LRRC4C: variants seen among roughly 807,000 people sequenced by gnomAD.
LRRC4C encodes leucine-rich repeat-containing protein 4C.
LRRC4C carries 5 observed loss-of-function variants against 33.6 expected under a neutral mutation model. The ratio of observed to expected loss-of-function variants is 0.15; its 90% CI spans 0.08 to 0.31. The LOEUF (loss-of-function observed/expected upper bound fraction) is 0.31. Among genes scored for constraint, LRRC4C ranks in the 10% least tolerant of loss-of-function variants. The pLI is 1.00. For synonymous variants in LRRC4C, 329 were observed against 302.0 expected, an observed-to-expected ratio of 1.09 and a Z score of -0.93; for missense variants, 560 against 796.7, an observed-to-expected ratio of 0.70 and a Z score of 3.58.
chr11:40,274,179 C>T (rs906238998), intron 4 of LRRC4C, among the ~76,000 whole-genome samples: 46 of 151,678 alleles, frequency 3.0e-4, no homozygotes, highest in African/African-American at 1.1e-3. Context: ...GGCTGCTCCC[C>T]AAAAGCATGA....
chr11:41,056,728 G>A (rs1487035064), intron 1 of LRRC4C, among the ~76,000 whole-genome samples: 1 of 152,172 alleles, frequency 6.6e-6, no homozygotes, highest in Non-Finnish European at 1.5e-5. Context: ...TATCATACCA[G>A]TCAGAGTGGC....
intron 1 of LRRC4C, among the ~76,000 whole-genome samples, chr11:41,157,585 A>C (rs1944290450): frequency 2.0e-5 from 3 of 152,190 alleles, no homozygotes; most frequent in Admixed American, 2.0e-4. Context: ...ATCTTGCATG[A>C]AAGTCCACAT....
chr11:40,968,329 T>C (rs955429327), intron 1 of LRRC4C, among the ~76,000 whole-genome samples: 1 of 152,132 alleles, frequency 6.6e-6, no homozygotes, highest in Non-Finnish European at 1.5e-5. Flanking sequence ...AAGCTATTTC[T>C]GTATCACAAA....
At chr11:41,345,024 T>C (rs1002239080) in intron 1 of LRRC4C, among the ~76,000 whole-genome samples, 1 of 152,178 alleles carries the variant, frequency 6.6e-6, no homozygotes, top group Non-Finnish European at 1.5e-5. Context: ...TAACCCATGA[T>C]GGTTTGTGTA....
At chr11:40,371,208 G>T (rs537634853) in intron 3 of LRRC4C, among the ~76,000 whole-genome samples, 1 of 152,086 alleles carries the variant, frequency 6.6e-6, no homozygotes, top group Non-Finnish European at 1.5e-5. Flanking sequence ...TCATAGACAA[G>T]TATATCTGAA....
intron 1 of LRRC4C, among the ~76,000 whole-genome samples, chr11:41,357,774 A>C (rs150018471): frequency 0.011 from 1,606 of 152,274 alleles, 15 homozygotes; most frequent in South Asian, 0.056. Context: ...TTGGGATAAG[A>C]CTATATTTTT....
intron 6 of LRRC4C, among the ~76,000 whole-genome samples, chr11:40,134,221 A>G (rs957351242): frequency 1.3e-5 from 2 of 152,136 alleles, no homozygotes; most frequent in African/African-American, 2.4e-5. Context: ...GCAAGACACT[A>G]TCTCTAAACA....
At chr11:41,375,985 A>G (rs1952923142) in intron 1 of LRRC4C, among the ~76,000 whole-genome samples, 1 of 151,972 alleles carries the variant, frequency 6.6e-6, no homozygotes, top group African/African-American at 2.4e-5. Flanking sequence ...TTGGTATGAA[A>G]GATTGGAGAA....
intron 2 of LRRC4C, among the ~76,000 whole-genome samples, chr11:40,886,406 TACACACACACAC>T (rs10629266): frequency 6.9e-6 from 1 of 145,448 alleles, no homozygotes; most frequent in African/African-American, 2.5e-5. Context: ...TTTCAAATGC[TACACACACACAC>T]ACACACACAC....
intron 3 of LRRC4C, among the ~76,000 whole-genome samples, chr11:40,345,788 G>T (rs1334183491): frequency 6.6e-6 from 1 of 152,090 alleles, no homozygotes; most frequent in Non-Finnish European, 1.5e-5. Context: ...GGAAAATTTT[G>T]CAAACTATGT....
chr11:40,530,874 A>T (rs960435300), intron 3 of LRRC4C, among the ~76,000 whole-genome samples: 14 of 152,120 alleles, frequency 9.2e-5, no homozygotes, highest in Non-Finnish European at 1.9e-4. Context: ...AGTACAGGCT[A>T]AGTGGAGGGA....
At chr11:41,353,610 C>T (rs1020388391) in intron 1 of LRRC4C, among the ~76,000 whole-genome samples, 5 of 152,036 alleles carry the variant, frequency 3.3e-5, no homozygotes, top group African/African-American at 1.2e-4. Context: ...AACATAGATG[C>T]AAAAACCTTC....
At chr11:41,434,335 A>AT (rs200548581) in intron 1 of LRRC4C, among the ~76,000 whole-genome samples, 15 of 150,222 alleles carry the variant, frequency 1.0e-4, no homozygotes, top group Admixed American at 1.3e-4. Flanking sequence ...TTTTCAGATA[A>AT]TTTTTTTTTT....
chr11:41,453,070 T>A (rs1564962418), intron 1 of LRRC4C, among the ~76,000 whole-genome samples: 1 of 152,222 alleles, frequency 6.6e-6, no homozygotes, highest in South Asian at 2.1e-4. Context: ...AAAGTAACCT[T>A]CCCAAAGGTA....
At chr11:40,251,469 C>A (rs1349466603) in intron 4 of LRRC4C, among the ~76,000 whole-genome samples, 1 of 152,214 alleles carries the variant, frequency 6.6e-6, no homozygotes, top group Non-Finnish European at 1.5e-5. Flanking sequence ...AACCTACAAA[C>A]AGATATTTCC....
intron 1 of LRRC4C, among the ~76,000 whole-genome samples, chr11:41,296,276 T>C (rs576922676): frequency 4.5e-4 from 69 of 152,076 alleles, no homozygotes; most frequent in Non-Finnish European, 9.0e-4. Context: ...TTTCTTTTAT[T>C]AATAATATAT....
intron 5 of LRRC4C, among the ~76,000 whole-genome samples, chr11:40,192,066 TGAAAGA>T (rs1196587057): frequency 6.6e-6 from 1 of 152,164 alleles, no homozygotes; most frequent in African/African-American, 2.4e-5. Context: ...ATGTCTAATC[TGAAAGA>T]TTAGACATTG....
chr11:40,993,448 TA>T (rs1374246587), intron 1 of LRRC4C, among the ~76,000 whole-genome samples: 2 of 152,170 alleles, frequency 1.3e-5, no homozygotes, highest in South Asian at 4.2e-4. Context: ...GTTCGTTCTT[TA>T]AAAAAACACC....
chr11:40,978,678 G>A (rs890314634), intron 1 of LRRC4C, among the ~76,000 whole-genome samples: 30 of 149,162 alleles, frequency 2.0e-4, no homozygotes, highest in Non-Finnish European at 5.9e-5. Context: ...CTGGAGTGCA[G>A]TGGTGCACTC....
Sources: allele counts gnomAD v4.1 joint callset (sites outside exome capture counted in the v4.1 genomes callset), GRCh38; gene constraint gnomAD v4.1.1; transcripts MANE v1.5; gene names NCBI Gene and HGNC (gene_info 2026-07-23, HGNC 2026-07-21).